The following ULK4 variants were observed in gnomAD, a reference collection of about 807,000 sequenced individuals.
The protein encoded by ULK4 is unc-51 like kinase 4.
In ULK4, 133 loss-of-function variants were observed where a neutral mutation model predicts 160.6. The ratio of observed to expected loss-of-function variants is 0.83; its 90% CI spans 0.72 to 0.96. The LOEUF (loss-of-function observed/expected upper bound fraction) is 0.96, where lower values mean the gene tolerates loss of function less well. Ranked by LOEUF, ULK4 falls within the 40% of genes least tolerant of loss-of-function variation. The probability of loss-of-function intolerance (pLI) is 0.00; values close to 1 mark genes in which losing one functional copy is unlikely to be tolerated. For missense variants in ULK4, 1,580 were observed against 1,499.5 expected (o/e 1.05, Z -0.89); for synonymous variants, 534 against 539.8 (o/e 0.99, Z 0.15).
At chr3:41,959,938 G>A (rs1256791359) in intron 1 of ULK4, among the ~76,000 whole-genome samples, 3 of 152,082 alleles carry the variant, frequency 2.0e-5, no homozygotes, top group African/African-American at 7.2e-5. Flanking sequence ...TCTACATTAG[G>A]ATATCTCAGG....
chr3:41,322,435 T>A (rs1490482049), intron 35 of ULK4, among the ~76,000 whole-genome samples: 1 of 152,174 alleles, frequency 6.6e-6, no homozygotes, highest in African/African-American at 2.4e-5. Context: ...AGGCAATAAT[T>A]GAGGTTGCTG....
chr3:41,594,964 T>C (rs2031594673), intron 31 of ULK4, among the ~76,000 whole-genome samples: 1 of 152,056 alleles, frequency 6.6e-6, no homozygotes, highest in Non-Finnish European at 1.5e-5. Flanking sequence ...TAGGGAGAGA[T>C]ATATGTCACT....
intron 35 of ULK4, among the ~76,000 whole-genome samples, chr3:41,272,382 T>C (rs938394502): frequency 1.0e-4 from 15 of 143,306 alleles, no homozygotes; most frequent in Non-Finnish European, 2.1e-4. Flanking sequence ...GGAAATGGAA[T>C]TCTAGGTTGA....
At chr3:41,902,273 C>T (rs1246528484) in intron 12 of ULK4, among the ~76,000 whole-genome samples, 2 of 152,018 alleles carry the variant, frequency 1.3e-5, no homozygotes, top group African/African-American at 2.4e-5. Context: ...GCAACTCAGA[C>T]AAAAGACAAG....
At chr3:41,950,960 C>T (rs1022381201) in intron 2 of ULK4, among the ~76,000 whole-genome samples, 5 of 151,330 alleles carry the variant, frequency 3.3e-5, no homozygotes, top group South Asian at 2.1e-4. Flanking sequence ...CTGGCTAACA[C>T]GGTGAAACCT....
chr3:41,405,013 C>T (rs1017154236), intron 34 of ULK4, among the ~76,000 whole-genome samples: 1 of 152,130 alleles, frequency 6.6e-6, no homozygotes, highest in African/African-American at 2.4e-5. Flanking sequence ...GTTATATTTG[C>T]AGGTTTGTTA....
At chr3:41,909,935 C>T (rs1470296827) in intron 11 of ULK4, among the ~76,000 whole-genome samples, 1 of 151,698 alleles carries the variant, frequency 6.6e-6, no homozygotes, top group Non-Finnish European at 1.5e-5. Context: ...TCGCTCTTGT[C>T]CCCCAGGCTG....
chr3:41,344,371 A>C (rs2080752946), intron 35 of ULK4, among the ~76,000 whole-genome samples: 1 of 152,180 alleles, frequency 6.6e-6, no homozygotes, highest in African/African-American at 2.4e-5. Flanking sequence ...AAACTACAAA[A>C]ACCTTGGAAG....
chr3:41,676,991 G>A (rs1000793563), intron 29 of ULK4, among the ~76,000 whole-genome samples: 4 of 133,584 alleles, frequency 3.0e-5, no homozygotes, highest in African/African-American at 5.9e-5. Flanking sequence ...CCATATCCTC[G>A]ACACCCCTGG....
chr3:41,922,272 G>A (rs1699211279), intron 5 of ULK4, among the ~76,000 whole-genome samples: 1 of 152,186 alleles, frequency 6.6e-6, no homozygotes, highest in African/African-American at 2.4e-5. Flanking sequence ...AGGATCACTT[G>A]AGGCCTGGAG....
At chr3:41,636,189 T>C (rs565420338) in intron 30 of ULK4, among the ~76,000 whole-genome samples, 3 of 152,320 alleles carry the variant, frequency 2.0e-5, no homozygotes, top group African/African-American at 7.2e-5. Flanking sequence ...GGAAATAAGG[T>C]TGTGCCTGTG....
intron 32 of ULK4, among the ~76,000 whole-genome samples, chr3:41,563,798 T>G (rs1188950720): frequency 6.6e-6 from 1 of 152,176 alleles, no homozygotes; most frequent in African/African-American, 2.4e-5. Flanking sequence ...TGGAGATGGG[T>G]TAGAACATGC....
At chr3:41,479,119 C>T (rs1035953171) in intron 32 of ULK4, among the ~76,000 whole-genome samples, 4 of 152,190 alleles carry the variant, frequency 2.6e-5, no homozygotes, top group African/African-American at 9.7e-5. Context: ...TAATTCAGCA[C>T]TTGCTGAATT....
At chr3:41,594,446 G>A (rs1011437959) in intron 31 of ULK4, among the ~76,000 whole-genome samples, 5 of 152,024 alleles carry the variant, frequency 3.3e-5, no homozygotes, top group African/African-American at 1.2e-4. Context: ...AGGCTGAGGT[G>A]GGAGGATCTC....
intron 12 of ULK4, among the ~76,000 whole-genome samples, chr3:41,906,165 C>T (rs191904077): frequency 0.053 from 7,822 of 148,026 alleles, 380 homozygotes; most frequent in East Asian, 0.16. Flanking sequence ...TGCAGTGAGC[C>T]GAGATCCCGC....
At chr3:41,646,666 G>A (rs1477637515) in intron 30 of ULK4, among the ~76,000 whole-genome samples, 2 of 152,120 alleles carry the variant, frequency 1.3e-5, no homozygotes, top group Non-Finnish European at 2.9e-5. Flanking sequence ...TGACAATTAT[G>A]TGTCTTGGAG....
intron 35 of ULK4, among the ~76,000 whole-genome samples, chr3:41,363,669 G>T (rs1489962015): frequency 6.6e-6 from 1 of 152,182 alleles, no homozygotes; most frequent in Non-Finnish European, 1.5e-5. Context: ...TTGTAATATA[G>T]TAGGGATATT....
chr3:41,749,849 G>A (rs1238060929), intron 22 of ULK4, among the ~76,000 whole-genome samples: 1 of 152,152 alleles, frequency 6.6e-6, no homozygotes, highest in Non-Finnish European at 1.5e-5. Context: ...AGCATGAGGG[G>A]AATGAGTGCC....
chr3:41,267,029 GGT>G (rs1491243544), intron 35 of ULK4, among the ~76,000 whole-genome samples: 5 of 134,208 alleles, frequency 3.7e-5, no homozygotes, highest in African/African-American at 1.4e-4. Flanking sequence ...GGGGGGGGGG[GGT>G]TTAAGGCTTT....
Sources: allele counts gnomAD v4.1 joint callset (sites outside exome capture counted in the v4.1 genomes callset), GRCh38; gene constraint gnomAD v4.1.1; transcripts MANE v1.5; gene names NCBI Gene and HGNC (gene_info 2026-07-23, HGNC 2026-07-21).